RASSF3: variants seen among roughly 807,000 people sequenced by gnomAD.
RASSF3 encodes the protein ras association domain-containing protein 3.
RASSF3 carries 19 observed loss-of-function variants against 19.9 expected under a neutral mutation model. That is an observed-to-expected ratio of 0.96 (90% CI 0.67 to 1.40). RASSF3 has a LOEUF of 1.40. Ranked by LOEUF, RASSF3 falls within the 40% of genes most tolerant of loss-of-function variation. RASSF3 has a pLI of 0.00. For synonymous variants in RASSF3, 110 were observed against 104.2 expected, an observed-to-expected ratio of 1.06 and a Z score of -0.34; for missense variants, 306 against 289.8, an observed-to-expected ratio of 1.06 and a Z score of -0.41.
intron 2 of RASSF3, among the ~76,000 whole-genome samples, chr12:64,604,148 C>T (rs1178991979): frequency 6.9e-6 from 1 of 144,384 alleles, no homozygotes; most frequent in African/African-American, 2.6e-5. Context: ...TTTTTTTAGA[C>T]AGGGTTTGAC....
chr12:64,599,437 T>C (rs866272821), intron 2 of RASSF3, among the ~76,000 whole-genome samples: 1 of 152,198 alleles, frequency 6.6e-6, no homozygotes, highest in African/African-American at 2.4e-5. Flanking sequence ...AATAATCTTT[T>C]CTCTCATTTA....
At chr12:64,562,647 G>T (rs117724539) in intron 2 of RASSF3, among the ~76,000 whole-genome samples, 3,545 of 103,048 alleles carry the variant, frequency 0.034, 68 homozygotes, top group South Asian at 0.079. Flanking sequence ...TTGAGGCAGG[G>T]TCTTTCTCTG....
chr12:64,662,814 T>C (rs1872415646), intron 1 of RASSF3, among the ~76,000 whole-genome samples: 1 of 152,060 alleles, frequency 6.6e-6, no homozygotes. Context: ...GGGCATGGTG[T>C]CTGTGGAAGA....
chr12:64,638,631 A>G (rs1871408203), intron 1 of RASSF3, among the ~76,000 whole-genome samples: 1 of 151,532 alleles, frequency 6.6e-6, no homozygotes. Flanking sequence ...CATCCAGTTT[A>G]AAAGAAAACA....
intron 1 of RASSF3, among the ~76,000 whole-genome samples, chr12:64,672,474 C>T (rs182744279): frequency 6.6e-6 from 1 of 152,268 alleles, no homozygotes; most frequent in East Asian, 1.9e-4. Context: ...GTTCCACCCA[C>T]CTCGGCCTCC....
chr12:64,649,604 A>G (rs1162212838), intron 1 of RASSF3, among the ~76,000 whole-genome samples: 2 of 152,236 alleles, frequency 1.3e-5, no homozygotes, highest in Non-Finnish European at 2.9e-5. Flanking sequence ...GGACATAGTC[A>G]TATCTCTGAG....
At chr12:64,550,327 G>A (rs1869137050) in intron 2 of RASSF3, among the ~76,000 whole-genome samples, 1 of 151,988 alleles carries the variant, frequency 6.6e-6, no homozygotes, top group South Asian at 2.1e-4. Context: ...GGGGAGAGGA[G>A]GAGAGGAGAG....
chr12:64,694,322 C>T (rs566788755), intron 4 of RASSF3, among the ~76,000 whole-genome samples: 10 of 152,142 alleles, frequency 6.6e-5, no homozygotes, highest in South Asian at 2.1e-4. Context: ...ACCAAGGGGC[C>T]GTACCGAGGG....
intron 4 of RASSF3, among the ~76,000 whole-genome samples, chr12:64,694,023 T>C (rs11175517): frequency 1.1e-3 from 169 of 152,058 alleles, no homozygotes; most frequent in African/African-American, 4.0e-3. Context: ...ATGGGGAGGA[T>C]GAGTAGTTCA....
At chr12:64,691,446 C>CA in intron 3 of RASSF3, 24 bp from the exon 4 acceptor site, 1 of 1,490,966 alleles carries the variant, frequency 6.7e-7, no homozygotes, top group Non-Finnish European at 9.4e-7. Context: ...TACTCTGTAA[C>CA]ATGCTGCTTG....
Position 64,562,023 on chromosome 12 carries a change from T to TTTTG in RASSF3, c.294+20326_294+20329dup, listed in dbSNP as rs1555209197. Among the ~76,000 whole-genome samples the TTTTG allele has an allele frequency of 4.5e-3, 623 of 139,808 alleles. 9 individuals carry two copies. Among genetic ancestry groups the TTTTG allele is most frequent in the East Asian group, 0.037 (175 of 4,728 alleles). 91.7% of individuals were successfully genotyped at this position (139,808 alleles called of 152,430 possible). A position where few individuals can be genotyped will look rare whatever the true frequency, so the allele number is the denominator to read the frequency against. ...TTTATTTATTTATTTATTTATTTAT[T>TTTTG]TTTGTTTGTTTTGAGACAGAGTCTT... is the stretch of plus-strand genomic sequence containing the variant. On this transcript the variant is annotated intron_variant, in intron 2 of 5. Coordinates refer to the RASSF3 transcript ENST00000637125.
intron 1 of RASSF3, among the ~76,000 whole-genome samples, chr12:64,674,254 G>A (rs1339614809): frequency 6.6e-6 from 1 of 152,150 alleles, no homozygotes; most frequent in African/African-American, 2.4e-5. Context: ...TGAGAAGAGA[G>A]CAAAAAGCTT....
At chr12:64,550,139 C>G (rs540507196) in intron 2 of RASSF3, among the ~76,000 whole-genome samples, 1 of 152,130 alleles carries the variant, frequency 6.6e-6, no homozygotes, top group African/African-American at 2.4e-5. Flanking sequence ...TTCCTGCCCT[C>G]TCTTTTCTCT....
intron 2 of RASSF3, among the ~76,000 whole-genome samples, chr12:64,581,266 G>A (rs1300398405): frequency 6.6e-6 from 1 of 152,164 alleles, no homozygotes; most frequent in African/African-American, 2.4e-5. Flanking sequence ...CCCAGGGTTT[G>A]GACAATTCTG....
intron 3 of RASSF3, among the ~76,000 whole-genome samples, chr12:64,689,804 T>TTTTTTTTTTTTTTTTTTTG (rs11272662): frequency 2.7e-5 from 4 of 146,424 alleles, no homozygotes; most frequent in East Asian, 2.0e-4. Flanking sequence ...TTTTTTTTTT[T>TTTTTTTTTTTTTTTTTTTG]GAGACGGAGT....
chr12:64,516,899 G>T (rs11175427), intron 1 of RASSF3, among the ~76,000 whole-genome samples: 33,266 of 149,932 alleles, frequency 0.22, 5,625 homozygotes, highest in African/African-American at 0.46. Context: ...CTCCGCAGGC[G>T]GAGGCAGGAG....
At chr12:64,689,109 A>G (rs540670373) in intron 3 of RASSF3, among the ~76,000 whole-genome samples, 1 of 152,248 alleles carries the variant, frequency 6.6e-6, no homozygotes, top group East Asian at 1.9e-4. Flanking sequence ...TTAAATATTA[A>G]ATTACTGCGT....
At chr12:64,675,681 T>G (rs551647155) in intron 1 of RASSF3, among the ~76,000 whole-genome samples, 1 of 152,248 alleles carries the variant, frequency 6.6e-6, no homozygotes, top group East Asian at 1.9e-4. Context: ...TTCCACTTAC[T>G]TTTCCTACCC....
At chr12:64,543,669 G>A (rs888007932), downstream of RASSF3, among the ~76,000 whole-genome samples, 2 of 150,924 alleles carry the variant, frequency 1.3e-5, no homozygotes, top group East Asian at 2.0e-4. Context: ...AGGTGGCTCC[G>A]CCTGCGCCCC....
Sources: allele counts gnomAD v4.1 joint callset (sites outside exome capture counted in the v4.1 genomes callset), GRCh38; gene constraint gnomAD v4.1.1; transcripts MANE v1.5; gene names NCBI Gene and HGNC (gene_info 2026-07-23, HGNC 2026-07-21).